Variants in MYO7A observed in about 807,000 individuals in gnomAD.
MYO7A encodes the protein unconventional myosin-VIIa.
In MYO7A, 210 loss-of-function variants were observed where a neutral mutation model predicts 263.8. That is an observed-to-expected ratio of 0.80 (90% CI 0.71 to 0.89). MYO7A has a LOEUF of 0.89. Among genes scored for constraint, MYO7A ranks in the 40% least tolerant of loss-of-function variants. The pLI, the probability that MYO7A is intolerant of heterozygous loss-of-function variation, is 0.00. For synonymous variants in MYO7A, 1,239 were observed against 1,197.3 expected (o/e 1.03, Z -0.72); for missense variants, 2,820 against 2,968.3 (o/e 0.95, Z 1.16).
rs114655721 is a variant in MYO7A, at chr11:77,173,869, C to G, written c.1936-887C>G. 1.4e-3 allele frequency among the ~76,000 whole-genome samples: 215 copies of G among 152,170 alleles called. 1 individual carries two copies. Among genetic ancestry groups the G allele is most frequent in the African/African-American group, 4.9e-3 (205 of 41,504 alleles). On this transcript the variant is annotated intron_variant, in intron 16 of 48. Transcript: ENST00000409709. ...CAGAGGGCTCCAGTGAGCTCTCCCT[C>G]TAATGCAGGGGGTGCAGGGGACTGA...
chr11:77,160,445 GCTC>G (rs1952889684), intron 11 of MYO7A, among the ~76,000 whole-genome samples, 163 bp downstream of exon 11: 1 of 152,188 alleles, frequency 6.6e-6, no homozygotes, highest in Non-Finnish European at 1.5e-5. Flanking sequence ...AGGTGCCCAT[GCTC>G]CTCTGGGGCC....
In MYO7A at chr11:77,201,419, CCATGGTCCCA is replaced by C. The variant is rs1295960107; in HGVS notation, c.4853-27_4853-18del. The C allele has an allele frequency of 6.2e-7, 1 of 1,600,364 alleles. No homozygotes were observed. The highest frequency in any genetic ancestry group is 1.7e-5 in the Admixed American group (1 of 58,118). On this transcript the variant is annotated intron_variant, in intron 35 of 48. Coordinates refer to ENST00000409709, the MANE Select transcript of MYO7A (RefSeq NM_000260.4). The stretch of plus-strand genomic sequence containing the variant: ...GTTCCAACTCAGCCTGTCTCTGCCC[CCATGGTCCCA>C]CTCACCTCTGCTCTACAGCAGGCGA...
rs114507557 is a variant in MYO7A at position 77,153,541 on chromosome 11, C to T, written c.286-2366C>T. 3.7e-3 allele frequency among the ~76,000 whole-genome samples: 568 copies of T among 152,252 alleles called. 6 individuals carry two copies. Among genetic ancestry groups the T allele is most frequent in the African/African-American group, 0.013 (535 of 41,558 alleles). On this transcript the variant is annotated intron_variant, in intron 4 of 48. Coordinates refer to ENST00000409709, the MANE Select transcript of MYO7A (RefSeq NM_000260.4). Reference sequence around the variant, plus strand: ...CAGCTTCTCACAGCGTCTCAGCATCCCCCATGTCCCTCTCTGGACTTCCCG... The same window carrying T: ...CAGCTTCTCACAGCGTCTCAGCATCTCCCATGTCCCTCTCTGGACTTCCCG...
intron 46 of MYO7A, 55 bp from the exon 47 acceptor site, chr11:77,212,897 A>G: frequency 7.3e-7 from 1 of 1,377,994 alleles, no homozygotes; most frequent in Non-Finnish European, 1.0e-6. Context: ...TCCTGTCCCC[A>G]AATGCTTTTC....
intron 2 of MYO7A, 61 bp downstream of exon 2, chr11:77,130,713 TGC>T (rs1279926323): frequency 6.3e-7 from 1 of 1,577,528 alleles, no homozygotes; most frequent in Non-Finnish European, 8.7e-7. Flanking sequence ...CTCATCCATA[TGC>T]TTACCCGTGG....
chr11:77,156,671 G>A lies in MYO7A; in HGVS notation c.482G>A (p.Gly161Glu). ...DQCCIISGES[G>E]AGKTESTKLI... ...CCCTCCCTCTGCAGTGGGGAATCTG[G>A]GGCCGGGAAGACGGAGAGCACAAAG... The change falls in exon 6 of 49, where the codon GGG becomes GAG. Residue 161 changes from glycine to glutamate, a missense_variant. Coordinates refer to ENST00000409709, the MANE Select transcript of MYO7A (RefSeq NM_000260.4). 6.2e-7 allele frequency: 1 copy of A among 1,613,900 alleles called. No homozygotes were observed. The highest frequency in any genetic ancestry group is 8.5e-7 in the Non-Finnish European group (1 of 1,179,862).
chr11:77,147,662 G>A (rs1951665726), intron 3 of MYO7A, 136 bp from the exon 4 acceptor site: 6 of 1,111,270 alleles, frequency 5.4e-6, no homozygotes, highest in Non-Finnish European at 7.8e-6. Context: ...AGAACTGACA[G>A]TGTCTGGCTG....
At chr11:77,164,520 G>A (rs1329638522) in intron 14 of MYO7A, among the ~76,000 whole-genome samples, 2 of 152,174 alleles carry the variant, frequency 1.3e-5, no homozygotes, top group Non-Finnish European at 2.9e-5. Context: ...AGTGAGCCAG[G>A]CTGCAGTGGT....
At chr11:77,161,532 C>T (rs1555068804) in intron 12 of MYO7A, among the ~76,000 whole-genome samples, 1 of 152,218 alleles carries the variant, frequency 6.6e-6, no homozygotes, top group Non-Finnish European at 1.5e-5. Context: ...GTGTCACATA[C>T]AGGCGGGTCC....
rs1309139060 is a variant in MYO7A at position 77,197,487 on chromosome 11, TATGCCCAGAGGAGAACTG to T, written c.4340_4357del (p.Arg1447_Gln1452del). On this transcript the variant is annotated inframe_deletion, in exon 33 of 49. Transcript: ENST00000409709. The stretch of plus-strand genomic sequence containing the variant: ...TGTCCCTCTCTCCTTCCAGGGGATT[TATGCCCAGAGGAGAACTG>T]ATGCCCAGAAGGTCAAAGAGGATGT... The T allele has an allele frequency of 6.3e-7, 1 of 1,595,490 alleles. No individual in the cohort carries two copies. The highest frequency in any genetic ancestry group is 8.5e-7 in the Non-Finnish European group (1 of 1,170,324).
chr11:77,175,543 G>A (rs1349094951), intron 18 of MYO7A, 79 bp downstream of exon 18: 4 of 1,326,928 alleles, frequency 3.0e-6, no homozygotes, highest in Non-Finnish European at 4.3e-6. Context: ...CTCGGGAGAG[G>A]GAGGCAGTGC....
At chr11:77,212,801 T>G (rs1591512219) in intron 46 of MYO7A, 151 bp from the exon 47 acceptor site, 1 of 674,502 alleles carries the variant, frequency 1.5e-6, no homozygotes. Context: ...CCAGCGGAGG[T>G]GGAAGCCATA....
intron 19 of MYO7A, 40 bp from the exon 20 acceptor site, chr11:77,179,005 C>T (rs376776862): frequency 1.6e-5 from 25 of 1,535,856 alleles, no homozygotes; most frequent in Middle Eastern, 1.7e-4. Flanking sequence ...CCCTGGCTGC[C>T]TCTGGACACT....
rs1387556032 is a variant in MYO7A, at chr11:77,163,437, C to T, written c.1690+449C>T. Reference sequence around the variant, plus strand: ...TCAATCATTGTAGAGTGTAGTTATACACCTAGATGGTCCAGCCTACTACAT... The same window carrying T: ...TCAATCATTGTAGAGTGTAGTTATATACCTAGATGGTCCAGCCTACTACAT... On this transcript the variant is annotated intron_variant, in intron 14 of 48. Coordinates refer to ENST00000409709, the MANE Select transcript of MYO7A (RefSeq NM_000260.4). 4.6e-5 allele frequency among the ~76,000 whole-genome samples: 7 copies of T among 152,188 alleles called. 1 individual carries two copies. Among genetic ancestry groups the T allele is most frequent in the Admixed American group, 4.6e-4 (7 of 15,276 alleles).
At chr11:77,177,961 G>C (rs1306690868) in intron 19 of MYO7A, among the ~76,000 whole-genome samples, 1 of 152,040 alleles carries the variant, frequency 6.6e-6, no homozygotes, top group East Asian at 1.9e-4. Context: ...ATTTTGCAAA[G>C]AGGAAATTTG....
chr11:77,156,596 G>C, intron 5 of MYO7A, 64 bp from the exon 6 acceptor site: 1 of 1,601,776 alleles, frequency 6.2e-7, no homozygotes, highest in Non-Finnish European at 8.5e-7. Flanking sequence ...AGCCTGGGCT[G>C]AGTTCCAGTT....
intron 39 of MYO7A, among the ~76,000 whole-genome samples, chr11:77,204,768 C>T (rs1487464681): frequency 6.6e-6 from 1 of 152,198 alleles, no homozygotes; most frequent in Non-Finnish European, 1.5e-5. Context: ...AGCCCCCCGC[C>T]TTCCTCCCCA....
chr11:77,194,828 G>A (rs1316692603), intron 32 of MYO7A, among the ~76,000 whole-genome samples: 3 of 152,154 alleles, frequency 2.0e-5, no homozygotes, highest in Admixed American at 2.0e-4. Context: ...GAGTGGCGGT[G>A]GATGCTAGAC....
In MYO7A at chr11:77,156,797, C is replaced by G. The variant is rs782303383; in HGVS notation, c.592+16C>G. The stretch of plus-strand genomic sequence containing the variant: ...ATTCTGGAAGGTAGGACCAGAGTTC[C>G]GAGGGTGGGACCAGGCAGTGGGGCG... On this transcript the variant is annotated intron_variant, in intron 6 of 48. Coordinates refer to ENST00000409709, the MANE Select transcript of MYO7A (RefSeq NM_000260.4). 4.3e-6 allele frequency: 7 copies of G among 1,613,798 alleles called. No individual in the cohort carries two copies. The highest frequency in any genetic ancestry group is 5.9e-6 in the Non-Finnish European group (7 of 1,179,836).
Sources: gnomAD v4.1 joint callset for allele counts (sites outside exome capture counted in the v4.1 genomes callset) on GRCh38, gnomAD v4.1.1 for gene constraint, MANE v1.5 for transcripts, NCBI Gene and HGNC (gene_info 2026-07-23, HGNC 2026-07-21) for gene names.